CHIA: variants seen among roughly 807,000 people sequenced by gnomAD.
CHIA encodes chitinase acidic.
CHIA carries 47 observed loss-of-function variants against 53.5 expected under a neutral mutation model. The observed-to-expected ratio is 0.88, with a 90% confidence interval of 0.70 to 1.12. The LOEUF (loss-of-function observed/expected upper bound fraction) is 1.12, where lower values mean the gene tolerates loss of function less well. Among genes scored for constraint, CHIA ranks in the 50% most tolerant of loss-of-function variants. The probability of loss-of-function intolerance (pLI) is 0.00; values close to 1 mark genes in which losing one functional copy is unlikely to be tolerated. For synonymous variants in CHIA, 268 were observed against 222.2 expected (o/e 1.21, Z -1.83); for missense variants, 652 against 592.2 (o/e 1.10, Z -1.05).
intron 1 of CHIA, among the ~76,000 whole-genome samples, chr1:111,308,549 C>T (rs4503344): frequency 0.35 from 53,271 of 152,034 alleles, 10,676 homozygotes; most frequent in East Asian, 0.66. Context: ...TGATGATAGT[C>T]ATTTTTTTTA....
intron 4 of CHIA, 148 bp from the exon 5 acceptor site, chr1:111,314,392 A>T: frequency 3.5e-6 from 2 of 570,756 alleles, no homozygotes; most frequent in South Asian, 4.9e-5. Flanking sequence ...AAGAATTTTT[A>T]TAAAGGAAGT....
chr1:111,307,361 G>T (rs958481653), intron 1 of CHIA, among the ~76,000 whole-genome samples: 2 of 152,096 alleles, frequency 1.3e-5, no homozygotes, highest in Non-Finnish European at 2.9e-5. Context: ...AATGCATATG[G>T]TATTATTTCA....
Position 111,297,186 on chromosome 1 carries a change from C to A in CHIA, c.-69+6236C>A, listed in dbSNP as rs183116774. On this transcript the variant is annotated intron_variant, in intron 1 of 11. Transcript: ENST00000369740. ...ATCCAGGAGAACTTCCGCAACCTAG[C>A]AAGGTAGGCCAACATTCAAATTCAG... Among the ~76,000 whole-genome samples the A allele has an allele frequency of 2.6e-5, 4 of 152,274 alleles. No individual in the cohort carries two copies. In the East Asian group the frequency reaches 7.7e-4, roughly 29 times the overall value.
chr1:111,307,560 T>C (rs1226753549), intron 1 of CHIA, among the ~76,000 whole-genome samples: 4 of 152,046 alleles, frequency 2.6e-5, no homozygotes, highest in Non-Finnish European at 5.9e-5. Flanking sequence ...AGCATTTAAC[T>C]GGGGAGAAGT....
chr1:111,310,589 T>C, intron 2 of CHIA, 97 bp downstream of exon 2: 1 of 1,567,910 alleles, frequency 6.4e-7, no homozygotes, highest in Non-Finnish European at 8.6e-7. Context: ...ACTACATCCC[T>C]ATACTTTTCC....
intron 1 of CHIA, among the ~76,000 whole-genome samples, chr1:111,306,268 G>A (rs187682320): frequency 3.5e-4 from 53 of 152,326 alleles, no homozygotes; most frequent in Admixed American, 3.2e-3. Flanking sequence ...TCCTGAAGAT[G>A]ATAAACAGTG....
At chr1:111,311,832 T>A in intron 3 of CHIA, 114 bp downstream of exon 3, 1 of 1,140,438 alleles carries the variant, frequency 8.8e-7, no homozygotes, top group South Asian at 1.3e-5. Flanking sequence ...TTGGGAGTAA[T>A]CTAGTGTTTT....
At position 111,300,154 on chromosome 1, in the gene CHIA, A is replaced by G. The variant is rs1044301753; in HGVS notation, c.-69+9204A>G. ...TTAATATCGTGAAAATGGCCATACT[A>G]CCCAAGGTAATTTATAGATTCAATG... is the stretch of plus-strand genomic sequence containing the variant. On this transcript the variant is annotated intron_variant, in intron 1 of 11. Coordinates refer to ENST00000369740, the MANE Select transcript of CHIA (RefSeq NM_201653.4). Among the ~76,000 whole-genome samples the G allele has an allele frequency of 4.6e-5, 7 of 152,116 alleles. No homozygotes were observed. In the South Asian group the frequency reaches 6.2e-4, roughly 14 times the overall value.
rs147103194 is a variant in CHIA at position 111,318,080 on chromosome 1, G to C, written c.700G>C (p.Asp234His). 1 of 1,613,482 alleles carries C rather than the reference G, an allele frequency of 6.2e-7. No individual in the cohort carries two copies. Among genetic ancestry groups the C allele is most frequent in the Non-Finnish European group, 8.5e-7 (1 of 1,179,452 alleles). The change falls in exon 8 of 12, where the codon GAC becomes CAC. Residue 234 changes from aspartate to histidine, a missense_variant. Transcript: ENST00000369740. ...CAGCCCCCTCTACAAATACCCGACT[G>C]ACACCGGCAGCAACGCCTACCTCAA... ...ENSPLYKYPT[D>H]TGSNAYLNVD...
rs1188512345 is a variant in CHIA, at chr1:111,297,901, C to CAAAAAAAAAAA, written c.-69+6965_-69+6975dup. Among the ~76,000 whole-genome samples the CAAAAAAAAAAA allele has an allele frequency of 1.3e-3, 42 of 31,838 alleles. 1 individual carries two copies. Among genetic ancestry groups the CAAAAAAAAAAA allele is most frequent in the South Asian group, 2.3e-3 (1 of 444 alleles). 20.9% of individuals were successfully genotyped at this position (31,838 alleles called of 152,430 possible). On this transcript the variant is annotated intron_variant, in intron 1 of 11. Transcript: ENST00000369740. Reference sequence around the variant, plus strand: ...GAAGATCTACCAAGCAAATGGAAAGCAAAAAAAAAAAAAAAAAAAAAAAAC... The same window carrying CAAAAAAAAAAA: ...GAAGATCTACCAAGCAAATGGAAAGCAAAAAAAAAAAAAAAAAAAAAAAAAAAAAAAAAAAC...
At chr1:111,300,899 C>T (rs1557735313) in intron 1 of CHIA, among the ~76,000 whole-genome samples, 1 of 152,130 alleles carries the variant, frequency 6.6e-6, no homozygotes, top group Non-Finnish European at 1.5e-5. Context: ...AAACAAACAA[C>T]CCCATCAAAA....
At chr1:111,299,805 A>G (rs1432858671) in intron 1 of CHIA, among the ~76,000 whole-genome samples, 1 of 152,210 alleles carries the variant, frequency 6.6e-6, no homozygotes, top group Non-Finnish European at 1.5e-5. Context: ...CTGTTTGCAA[A>G]TGACATGATT....
At chr1:111,307,140 A>G (rs900296935) in intron 1 of CHIA, among the ~76,000 whole-genome samples, 1 of 152,246 alleles carries the variant, frequency 6.6e-6, no homozygotes, top group African/African-American at 2.4e-5. Flanking sequence ...GTACCAAGAG[A>G]CATGTGTACA....
chr1:111,319,204 G>T lies in CHIA; in HGVS notation c.1000G>T (p.Val334Phe), dbSNP rs756257682. The T allele has an allele frequency of 4.3e-6, 7 of 1,613,954 alleles. No homozygotes were observed. Among genetic ancestry groups the T allele is most frequent in the African/African-American group, 1.3e-5 (1 of 74,798 alleles). The change falls in exon 10 of 12, where the codon GTT (valine) becomes TTT (phenylalanine). Residue 334 changes from valine (V) to phenylalanine (F), a missense_variant. Val to Phe is a conservative substitution (Grantham distance 50, BLOSUM62 -1). Coordinates refer to ENST00000369740, the MANE Select transcript of CHIA (RefSeq NM_201653.4). ...VPYAYQGNVW[V>F]GYDNIKSFDI... Reference sequence around the variant, plus strand: ...TTATGCCTATCAGGGCAATGTGTGGGTTGGCTATGACAACATCAAGAGCTT... The same window carrying T: ...TTATGCCTATCAGGGCAATGTGTGGTTTGGCTATGACAACATCAAGAGCTT...
At chr1:111,294,548 A>G (rs780188453) in intron 1 of CHIA, among the ~76,000 whole-genome samples, 15 of 152,100 alleles carry the variant, frequency 9.9e-5, no homozygotes, top group African/African-American at 1.4e-4. Context: ...TTTATGTCTT[A>G]TTTTTGCCCA....
intron 1 of CHIA, among the ~76,000 whole-genome samples, chr1:111,307,590 G>A (rs1015299671): frequency 6.6e-6 from 1 of 151,546 alleles, no homozygotes; most frequent in East Asian, 1.9e-4. Context: ...AATAGTCAAA[G>A]TTAATGTTAT....
At chr1:111,291,708 C>G (rs1018467174) in intron 1 of CHIA, among the ~76,000 whole-genome samples, 4 of 151,272 alleles carry the variant, frequency 2.6e-5, no homozygotes, top group South Asian at 2.1e-4. Flanking sequence ...AAATATATAG[C>G]AAAATGCAAC....
rs369742654 is a variant in CHIA at position 111,312,217 on chromosome 1, T to G, written c.83T>G (p.Phe28Cys). 1 of 1,614,064 alleles carries G rather than the reference T, an allele frequency of 6.2e-7. No homozygotes were observed. Among genetic ancestry groups the G allele is most frequent in the Admixed American group, 1.7e-5 (1 of 60,014 alleles). ...LGSAYQLTCY[F>C]TNWAQYRPGL... ...TCTGCCTACCAGCTGACATGCTACT[T>G]CACCAACTGGGCCCAGTACCGGCCA... The change falls in exon 4 of 12, where the codon TTC (phenylalanine) becomes TGC (cysteine). Residue 28 changes from phenylalanine to cysteine, a missense_variant. Transcript: ENST00000369740.
At chr1:111,306,896 A>T (rs890935758) in intron 1 of CHIA, among the ~76,000 whole-genome samples, 5 of 152,220 alleles carry the variant, frequency 3.3e-5, no homozygotes, top group Non-Finnish European at 7.3e-5. Context: ...TACTCACCTT[A>T]ATGACACAAA....
Sources: gnomAD v4.1 joint callset for allele counts (sites outside exome capture counted in the v4.1 genomes callset) on GRCh38, gnomAD v4.1.1 for gene constraint, MANE v1.5 for transcripts, NCBI Gene and HGNC (gene_info 2026-07-23, HGNC 2026-07-21) for gene names.